Variants in ADGRG3 observed in about 807,000 individuals in gnomAD.
ADGRG3 encodes G protein-coupled receptor 97.
A neutral mutation model predicts 54.3 loss-of-function variants in ADGRG3; 39 were observed. That is an observed-to-expected ratio of 0.72 (90% confidence interval 0.56 to 0.94). The LOEUF (loss-of-function observed/expected upper bound fraction) is 0.94. ADGRG3 is among the 40% of genes least tolerant of loss of function. The pLI is 0.00. For missense variants in ADGRG3, 654 were observed against 694.6 expected, an observed-to-expected ratio of 0.94 and a Z score of 0.66; for synonymous variants, 312 against 290.0, an observed-to-expected ratio of 1.08 and a Z score of -0.77.
In ADGRG3 at chr16:57,689,207, G is replaced by A. The variant is rs1597786266; in HGVS notation, c.*746G>A. On this transcript the variant is annotated 3_prime_UTR_variant, in exon 12 of 12. Transcript: ENST00000333493. ...ACAATCTGGGGCTCAGCACACCTGG[G>A]GGTGCTCCCACTCATTCAGTGTGTG... 6.5e-6 allele frequency: 1 copy of A among 153,738 alleles called. No individual in the cohort carries two copies. The highest frequency in any genetic ancestry group is 2.4e-5 in the African/African-American group (1 of 41,468). The allele number at this position is 153,738 out of a possible 1,614,324, so 9.5% of individuals were successfully genotyped here.
At chr16:57,668,050 A>T (rs2048084960), upstream of ADGRG3, 1 of 510,826 alleles carries the variant, frequency 2.0e-6, no homozygotes. Flanking sequence ...GTGGCCACCC[A>T]GCCCCTAGCC....
intron 2 of ADGRG3, among the ~76,000 whole-genome samples, chr16:57,675,642 A>C (rs1250821342): frequency 1.3e-5 from 2 of 152,172 alleles, no homozygotes; most frequent in Non-Finnish European, 2.9e-5. Flanking sequence ...AATAAAATAA[A>C]ATGGAATACT....
upstream of ADGRG3, among the ~76,000 whole-genome samples, chr16:57,666,900 G>A (rs1256368650): frequency 6.6e-6 from 1 of 152,200 alleles, no homozygotes; most frequent in East Asian, 1.9e-4. Flanking sequence ...GGGCTTCAGC[G>A]ATGGGCCCAG....
intron 9 of ADGRG3, 48 bp downstream of exon 9, chr16:57,684,260 C>A: frequency 3.1e-6 from 5 of 1,589,232 alleles, no homozygotes; most frequent in Non-Finnish European, 4.3e-6. Context: ...CCTGAGGGTG[C>A]AGAGGGAAAT....
At position 57,685,777 on chromosome 16, in the gene ADGRG3, C is replaced by T. The variant is rs759979275; in HGVS notation, c.1391C>T (p.Thr464Ile). 2.5e-6 allele frequency: 4 copies of T among 1,614,212 alleles called. No individual in the cohort carries two copies. Among genetic ancestry groups the T allele is most frequent in the South Asian group, 2.2e-5 (2 of 91,084 alleles). ...VWKIFTLSRA[T>I]AVKERGKNRK... Reference sequence around the variant, plus strand: ...AAGATCTTCACCCTGTCCCGTGCTACAGCGGTCAAGGAGCGGGGGAAGAAC... The same window carrying T: ...AAGATCTTCACCCTGTCCCGTGCTATAGCGGTCAAGGAGCGGGGGAAGAAC... Residue 464 changes from threonine (T) to isoleucine (I), a missense_variant, in exon 11 of 12, where the codon ACA becomes ATA. Coordinates refer to ENST00000333493, the MANE Select transcript of ADGRG3 (RefSeq NM_170776.5).
chr16:57,678,407 C>T, intron 4 of ADGRG3, 91 bp downstream of exon 4: 2 of 1,304,666 alleles, frequency 1.5e-6, no homozygotes, highest in Non-Finnish European at 2.2e-6. Context: ...GCCGAGGGAT[C>T]CAATGGGGAC....
At chr16:57,671,625 G>A (rs745713665) in intron 1 of ADGRG3, among the ~76,000 whole-genome samples, 45 of 151,980 alleles carry the variant, frequency 3.0e-4, no homozygotes, top group South Asian at 2.1e-4. Flanking sequence ...GTGAGTCACC[G>A]CACTCAGCCT....
In ADGRG3 at chr16:57,678,323, A is replaced by G. The variant is rs533304312; in HGVS notation, c.492+7A>G. On this transcript the variant is annotated splice_region_variant and intron_variant, in intron 4 of 11. Coordinates refer to ENST00000333493, the MANE Select transcript of ADGRG3 (RefSeq NM_170776.5). The stretch of plus-strand genomic sequence containing the variant: ...TCCAGGGACTCTCTTCAAGGTGAGG[A>G]CTCAGGGAAGCTCCAAGGTTAAGTG... 1 of 1,614,016 alleles carries G rather than the reference A, an allele frequency of 6.2e-7. No homozygotes were observed. The highest frequency in any genetic ancestry group is 2.2e-5 in the East Asian group (1 of 44,884).
chr16:57,687,146 C>T (rs903354498), intron 11 of ADGRG3, among the ~76,000 whole-genome samples: 1 of 152,244 alleles, frequency 6.6e-6, no homozygotes, highest in East Asian at 1.9e-4. Flanking sequence ...GGCCAGGCAG[C>T]CCTGGGTCCA....
rs572319539 is a variant in ADGRG3, at chr16:57,675,123, C to T, written c.207-1077C>T. ...TACCCAAATGTCCCTCAATGGATAA[C>T]GGCATAATTAAAATATGATCTCTCC... On this transcript the variant is annotated intron_variant, in intron 2 of 11. Coordinates refer to ENST00000333493, the MANE Select transcript of ADGRG3 (RefSeq NM_170776.5). Among the ~76,000 whole-genome samples the T allele has an allele frequency of 4.6e-5, 7 of 150,956 alleles. 1 individual carries two copies. In the South Asian group the frequency reaches 1.0e-3, roughly 23 times the overall value.
chr16:57,688,445 C>A lies in ADGRG3; in HGVS notation c.1634C>A (p.Ser545Tyr). ...SSTARLDQAH[S>Y]ASQE ...ACTGCAAGATTGGACCAGGCCCACTCCGCATCTCAAGAATAGGAAGGCACG... is the reference window on the plus strand; with the variant it reads ...ACTGCAAGATTGGACCAGGCCCACTACGCATCTCAAGAATAGGAAGGCACG... The change falls in exon 12 of 12, where the codon TCC (serine) becomes TAC (tyrosine). Residue 545 changes from serine (S) to tyrosine (Y), a missense_variant. By Grantham distance (144) the Ser-to-Tyr change is moderately radical. Transcript: ENST00000333493. 6.2e-7 allele frequency: 1 copy of A among 1,605,044 alleles called. No individual in the cohort carries two copies. The highest frequency in any genetic ancestry group is 8.5e-7 in the Non-Finnish European group (1 of 1,171,716).
chr16:57,679,635 C>T (rs891249087), intron 5 of ADGRG3, among the ~76,000 whole-genome samples, 181 bp from the exon 6 acceptor site: 4 of 152,120 alleles, frequency 2.6e-5, no homozygotes, highest in Admixed American at 1.3e-4. Flanking sequence ...CTTCACACGC[C>T]GGCCCAGGGC....
chr16:57,682,849 C>G (rs777057081), intron 8 of ADGRG3, among the ~76,000 whole-genome samples: 2 of 152,220 alleles, frequency 1.3e-5, no homozygotes, highest in East Asian at 3.8e-4. Context: ...AAGCCTCACT[C>G]TCCTACTGCA....
intron 1 of ADGRG3, among the ~76,000 whole-genome samples, chr16:57,670,111 C>G (rs569731420): frequency 1.3e-5 from 2 of 152,308 alleles, no homozygotes; most frequent in Non-Finnish European, 2.9e-5. Flanking sequence ...GGCAAATGCC[C>G]ACTCTGCCCT....
In ADGRG3 at chr16:57,685,834, C is replaced by T. The variant is rs200130702; in HGVS notation, c.1448C>T (p.Ser483Leu). ...AAGGTGCTCACCCTGCTGGGCCTCT[C>T]GAGCCTGGTGGGTGTGACATGGGGG... is the stretch of plus-strand genomic sequence containing the variant. ...RKKVLTLLGLSSLVGVTWGLA... is the reference protein window; with the variant it reads ...RKKVLTLLGLLSLVGVTWGLA... The change falls in exon 11 of 12, where the codon TCG (serine) becomes TTG (leucine). Residue 483 changes from serine (S) to leucine (L), a missense_variant. Coordinates refer to ENST00000333493, the MANE Select transcript of ADGRG3 (RefSeq NM_170776.5). The T allele has an allele frequency of 6.5e-5, 105 of 1,614,050 alleles. No homozygotes were observed. The Middle Eastern group carries it at 6.6e-4, about 10-fold the overall frequency.
At position 57,678,326 on chromosome 16, in the gene ADGRG3, C is replaced by T. The variant is rs377291676; in HGVS notation, c.492+10C>T. 1 of 1,613,858 alleles carries T rather than the reference C, an allele frequency of 6.2e-7. No individual in the cohort carries two copies. Among genetic ancestry groups the T allele is most frequent in the Non-Finnish European group, 8.5e-7 (1 of 1,179,856 alleles). On this transcript the variant is annotated intron_variant, in intron 4 of 11. Coordinates refer to ENST00000333493, the MANE Select transcript of ADGRG3 (RefSeq NM_170776.5). ...AGGGACTCTCTTCAAGGTGAGGACT[C>T]AGGGAAGCTCCAAGGTTAAGTGCTA... is the stretch of plus-strand genomic sequence containing the variant.
chr16:57,671,041 C>T (rs1465354066), intron 1 of ADGRG3, among the ~76,000 whole-genome samples: 4 of 152,142 alleles, frequency 2.6e-5, no homozygotes, highest in African/African-American at 9.7e-5. Flanking sequence ...AGACCCACTT[C>T]CCACCCTCAA....
chr16:57,687,646 C>A (rs1316826363), intron 11 of ADGRG3, among the ~76,000 whole-genome samples: 1 of 152,214 alleles, frequency 6.6e-6, no homozygotes, highest in Non-Finnish European at 1.5e-5. Context: ...GAAATTATGA[C>A]TGTAAGGCCA....
rs1370941907 is a variant in ADGRG3, at chr16:57,679,855, G to A, written c.667G>A (p.Gly223Arg). 9.3e-6 allele frequency: 15 copies of A among 1,611,078 alleles called. No individual in the cohort carries two copies. Among genetic ancestry groups the A allele is most frequent in the South Asian group, 5.5e-5 (5 of 91,008 alleles). Reference sequence around the variant, plus strand: ...CTGTGTATTCTGGGATGTGACTAAAGGTAGGGCCCGGAGGACCTTCTCTGG... The same window carrying A: ...CTGTGTATTCTGGGATGTGACTAAAAGTAGGGCCCGGAGGACCTTCTCTGG... Reference protein sequence around the residue: ...LTCVFWDVTKGTTGDWSSEGC... With the variant: ...LTCVFWDVTKRTTGDWSSEGC... The change falls in exon 6 of 12, where the codon GGG becomes AGG. Residue 223 changes from glycine (G) to arginine (R), a missense_variant and splice_region_variant. Gly to Arg is a moderately radical substitution (Grantham distance 125). Coordinates refer to ENST00000333493, the MANE Select transcript of ADGRG3 (RefSeq NM_170776.5).
Sources: gnomAD v4.1 joint callset for allele counts (sites outside exome capture counted in the v4.1 genomes callset) on GRCh38, gnomAD v4.1.1 for gene constraint, MANE v1.5 for transcripts, NCBI Gene and HGNC (gene_info 2026-07-23, HGNC 2026-07-21) for gene names.